The following LRRC46 variants were observed in gnomAD, a reference collection of about 807,000 sequenced individuals.
The protein encoded by LRRC46 is leucine-rich repeat-containing protein 46.
Under a neutral mutation model 28.0 loss-of-function variants are expected in LRRC46, and 20 were observed. The observed-to-expected ratio is 0.71, with a 90% CI of 0.50 to 1.04. LRRC46 has a LOEUF of 1.04. LRRC46 is among the 50% of genes least tolerant of loss of function. The probability of loss-of-function intolerance (pLI) is 0.00; values close to 1 mark genes in which losing one functional copy is unlikely to be tolerated. For synonymous variants in LRRC46, 156 were observed against 158.8 expected, an observed-to-expected ratio of 0.98 and a Z score of 0.13; for missense variants, 315 against 390.1, an observed-to-expected ratio of 0.81 and a Z score of 1.62.
chr17:47,832,114 G>C lies in LRRC46; in HGVS notation c.25G>C (p.Gly9Arg). MSGGKSAQ[G>R]PEEGGVCITE... ...TCTTTTCACAGGGAAGTCAGCCCAG[G>C]GTCCAGAGGAAGGGGGCGTCTGCAT... Residue 9 changes from glycine (G) to arginine (R), a missense_variant, in exon 2 of 8, where the codon GGT becomes CGT. Gly to Arg is a moderately radical substitution (Grantham distance 125, BLOSUM62 -2). Coordinates refer to ENST00000269025, the MANE Select transcript of LRRC46 (RefSeq NM_033413.4). 6.2e-7 allele frequency: 1 copy of C among 1,610,148 alleles called. No individual in the cohort carries two copies. Among genetic ancestry groups the C allele is most frequent in the Non-Finnish European group, 8.5e-7 (1 of 1,177,574 alleles).
At chr17:47,833,030 T>C (rs1256643648) in intron 2 of LRRC46, among the ~76,000 whole-genome samples, 1 of 152,316 alleles carries the variant, frequency 6.6e-6, no homozygotes, top group East Asian at 1.9e-4. Context: ...AGCATTGGCA[T>C]CACAGGGGGC....
intron 2 of LRRC46, among the ~76,000 whole-genome samples, chr17:47,833,605 C>T (rs553969637): frequency 2.7e-3 from 408 of 151,912 alleles, no homozygotes; most frequent in African/African-American, 9.6e-3. Flanking sequence ...TGCGCCACCA[C>T]ACCCGGCTAA....
chr17:47,836,241 A>G lies in LRRC46; in HGVS notation c.453-92A>G. The G allele has an allele frequency of 6.3e-7, 1 of 1,589,144 alleles. No homozygotes were observed. The highest frequency in any genetic ancestry group is 1.3e-5 in the African/African-American group (1 of 74,458). ...CCTCCTACCTAGCTCATGAGCCACC[A>G]CCCCTCCGGGTGTGAGTGCTGTGGT... On this transcript the variant is annotated intron_variant, in intron 6 of 7. Transcript: ENST00000269025. This position sits in a 1 kb window ranked among gnomAD's most constrained non-coding sequence, Gnocchi z 5.8.
Position 47,836,605 on chromosome 17 carries a change from G to A in LRRC46, c.595+130G>A. 6.7e-7 allele frequency: 1 copy of A among 1,490,520 alleles called. No individual in the cohort carries two copies. The highest frequency in any genetic ancestry group is 9.0e-7 in the Non-Finnish European group (1 of 1,110,312). 92.3% of individuals were successfully genotyped at this position (1,490,520 alleles called of 1,614,324 possible). A position where few individuals can be genotyped will look rare whatever the true frequency, so the allele number is the denominator to read the frequency against. On this transcript the variant is annotated intron_variant, in intron 7 of 7. Coordinates refer to ENST00000269025, the MANE Select transcript of LRRC46 (RefSeq NM_033413.4). This position sits in a 1 kb window ranked among gnomAD's most constrained non-coding sequence, Gnocchi z 5.8. ...AGTTCAGATCAACATCTGGGCCAGA[G>A]CCAGGTGTCAGTCCTGGGCCCCAGC... is the stretch of plus-strand genomic sequence containing the variant.
chr17:47,834,404 C>T (rs2143609205), intron 2 of LRRC46, 21 bp from the exon 3 acceptor site: 1 of 1,567,410 alleles, frequency 6.4e-7, no homozygotes, highest in Non-Finnish European at 8.8e-7. Context: ...CTAACACCAC[C>T]CTTACTGACT....
chr17:47,834,672 G>T, intron 3 of LRRC46, 139 bp downstream of exon 3: 1 of 596,680 alleles, frequency 1.7e-6, no homozygotes, highest in Non-Finnish European at 3.0e-6. Flanking sequence ...ATTCCCAGAC[G>T]AATGACATAG....
Position 47,836,705 on chromosome 17 carries a change from C to A in LRRC46, c.596-45C>A. 4 of 1,600,184 alleles carry A rather than the reference C, an allele frequency of 2.5e-6. No individual in the cohort carries two copies. The highest frequency in any genetic ancestry group is 3.4e-6 in the Non-Finnish European group (4 of 1,175,864). On this transcript the variant is annotated intron_variant, in intron 7 of 7. Transcript: ENST00000269025. This position sits in a 1 kb window ranked among gnomAD's most constrained non-coding sequence, Gnocchi z 5.8. ...AGCCCAGGGACCCTCCTGCTGAGCC[C>A]AGGGCTCCACCCACCCTGTACCCTC...
In LRRC46 at chr17:47,836,121, G is replaced by T; in HGVS notation, c.452+19G>T. The T allele has an allele frequency of 6.2e-7, 1 of 1,613,724 alleles. No individual in the cohort carries two copies. Among genetic ancestry groups the T allele is most frequent in the African/African-American group, 1.3e-5 (1 of 75,014 alleles). On this transcript the variant is annotated intron_variant, in intron 6 of 7. Coordinates refer to ENST00000269025, the MANE Select transcript of LRRC46 (RefSeq NM_033413.4). The surrounding 1 kb of genome is among the most constrained non-coding windows in gnomAD (Gnocchi z 5.8). ...GCTACCGGTAAGGAGTGGAGGGTGG[G>T]AAGAAAGGTCATGGCTGAGCTCTAC...
At position 47,831,965 on chromosome 17, in the gene LRRC46, G is replaced by T; in HGVS notation, c.-25G>T. 6.2e-7 allele frequency: 1 copy of T among 1,613,004 alleles called. No individual in the cohort carries two copies. The highest frequency in any genetic ancestry group is 1.1e-5 in the South Asian group (1 of 90,998). ...CTCTTTTCGTTCCTCTCCCGCCTCA[G>T]ACCAGCAGCCTTTTATTTTAGATCA... is the stretch of plus-strand genomic sequence containing the variant. On this transcript the variant is annotated 5_prime_UTR_variant, in exon 1 of 8. Coordinates refer to ENST00000269025, the MANE Select transcript of LRRC46 (RefSeq NM_033413.4).
chr17:47,836,367 G>C lies in LRRC46; in HGVS notation c.487G>C (p.Asp163His). The C allele has an allele frequency of 6.2e-6, 10 of 1,614,116 alleles. No individual in the cohort carries two copies. Among genetic ancestry groups the C allele is most frequent in the Non-Finnish European group, 8.5e-6 (10 of 1,180,030 alleles). ...LVTEALPLLL[D>H]LDGQPVVERW... The stretch of plus-strand genomic sequence containing the variant: ...GACAGAAGCCCTGCCACTTCTCCTG[G>C]ACCTGGACGGGCAGCCTGTGGTGGA... Residue 163 changes from aspartate to histidine, a missense_variant, in exon 7 of 8, where the codon GAC becomes CAC. By Grantham distance (81) the Asp-to-His change is moderately conservative. Transcript: ENST00000269025. The surrounding 1 kb of genome is among the most constrained non-coding windows in gnomAD (Gnocchi z 5.8).
chr17:47,834,440 T>C lies in LRRC46; in HGVS notation c.132T>C (p.Asp44=). ...CTTTTCCCAGGTTTCACACTCTTGA[T>C]GAACTGCAGACTGTCCGCCTGGACC... The part of the protein sequence containing the change: ...ELSEKMFHTL[D]ELQTVRLDRE... Residue 44 remains aspartate, a synonymous_variant, in exon 3 of 8, where the codon GAT becomes GAC. Coordinates refer to ENST00000269025, the MANE Select transcript of LRRC46 (RefSeq NM_033413.4). The C allele has an allele frequency of 1.2e-6, 2 of 1,613,054 alleles. No homozygotes were observed. The highest frequency in any genetic ancestry group is 1.7e-6 in the Non-Finnish European group (2 of 1,179,372).
rs1003257863 is a variant in LRRC46, at chr17:47,831,953, T to C, written c.-37T>C. 1.2e-6 allele frequency: 2 copies of C among 1,612,618 alleles called. No individual in the cohort carries two copies. Among genetic ancestry groups the C allele is most frequent in the Non-Finnish European group, 1.7e-6 (2 of 1,179,974 alleles). Reference sequence around the variant, plus strand: ...CCGCCAAGACCTCTCTTTTCGTTCCTCTCCCGCCTCAGACCAGCAGCCTTT... The same window carrying C: ...CCGCCAAGACCTCTCTTTTCGTTCCCCTCCCGCCTCAGACCAGCAGCCTTT... On this transcript the variant is annotated 5_prime_UTR_variant, in exon 1 of 8. Transcript: ENST00000269025.
In LRRC46 at chr17:47,836,404, C is replaced by T. The variant is rs149897709; in HGVS notation, c.524C>T (p.Ser175Leu). The T allele has an allele frequency of 3.6e-5, 58 of 1,614,026 alleles. No individual in the cohort carries two copies. The Middle Eastern group carries it at 1.6e-3, about 46-fold the overall frequency. Residue 175 changes from serine (S) to leucine (L), a missense_variant, in exon 7 of 8, where the codon TCG (serine) becomes TTG (leucine). Transcript: ENST00000269025. This position sits in a 1 kb window ranked among gnomAD's most constrained non-coding sequence, Gnocchi z 5.8. ...CAGCCTGTGGTGGAGCGCTGGATTT[C>T]GGATGAGGAGGATGAAGCCTCAAGC... is the stretch of plus-strand genomic sequence containing the variant. ...DGQPVVERWI[S>L]DEEDEASSDE... is the part of the protein sequence containing the mutation.
Position 47,832,126 on chromosome 17 carries a change from G to A in LRRC46, c.37G>A (p.Gly13Arg). 1 of 1,609,344 alleles carries A rather than the reference G, an allele frequency of 6.2e-7. No individual in the cohort carries two copies. The highest frequency in any genetic ancestry group is 8.5e-7 in the Non-Finnish European group (1 of 1,177,224). The change falls in exon 2 of 8, where the codon GGG becomes AGG. Residue 13 changes from glycine to arginine, a missense_variant. By Grantham distance (125) the Gly-to-Arg change is moderately radical. Coordinates refer to ENST00000269025, the MANE Select transcript of LRRC46 (RefSeq NM_033413.4). ...GAAGTCAGCCCAGGGTCCAGAGGAA[G>A]GGGGCGTCTGCATCACTGAAGCCCT... ...GGKSAQGPEE[G>R]GVCITEALIT...
At position 47,836,473 on chromosome 17, in the gene LRRC46, G is replaced by A. The variant is rs144936742; in HGVS notation, c.593G>A (p.Arg198Gln). ...PELSGPFCSE[R>Q]GFLKELEQEL... is the part of the protein sequence containing the mutation. The stretch of plus-strand genomic sequence containing the variant: ...CTGAGTGGCCCATTCTGCTCAGAAC[G>A]AGGTGACCCTGCTTTCCAAGGTTTT... Residue 198 changes from arginine (R) to glutamine (Q), a missense_variant and splice_region_variant, in exon 7 of 8, where the codon CGA becomes CAA. By Grantham distance (43) the Arg-to-Gln change is conservative (BLOSUM62 1). Transcript: ENST00000269025. This position sits in a 1 kb window ranked among gnomAD's most constrained non-coding sequence, Gnocchi z 5.8. The A allele has an allele frequency of 1.1e-5, 18 of 1,613,716 alleles. No homozygotes were observed. In the African/African-American group the frequency reaches 1.5e-4, roughly 13 times the overall value.
chr17:47,834,374 G>A, intron 2 of LRRC46, 51 bp from the exon 3 acceptor site: 7 of 1,330,912 alleles, frequency 5.3e-6, no homozygotes, highest in Non-Finnish European at 7.4e-6. Context: ...TCCCTGCTAA[G>A]AGACCACATG....
chr17:47,831,751 A>G lies in LRRC46; in HGVS notation c.-239A>G. On this transcript the variant is annotated 5_prime_UTR_variant, in exon 1 of 8. Transcript: ENST00000269025. ...CAACCATTCCTGCCCACAACACCCC[A>G]GCTTGCTGCCAGCAAAGCCCCTCCA... 1.6e-6 allele frequency: 1 copy of G among 641,188 alleles called. No homozygotes were observed. The highest frequency in any genetic ancestry group is 2.7e-6 in the Non-Finnish European group (1 of 369,118). 39.7% of individuals were successfully genotyped at this position (641,188 alleles called of 1,614,324 possible). A position where few individuals can be genotyped will look rare whatever the true frequency, so the allele number is the denominator to read the frequency against.
chr17:47,836,259 G>A lies in LRRC46; in HGVS notation c.453-74G>A. 1 of 1,598,554 alleles carries A rather than the reference G, an allele frequency of 6.3e-7. No homozygotes were observed. Among genetic ancestry groups the A allele is most frequent in the Non-Finnish European group, 8.5e-7 (1 of 1,170,466 alleles). On this transcript the variant is annotated intron_variant, in intron 6 of 7. Transcript: ENST00000269025. The surrounding 1 kb of genome is among the most constrained non-coding windows in gnomAD (Gnocchi z 5.8). Reference sequence around the variant, plus strand: ...AGCCACCACCCCTCCGGGTGTGAGTGCTGTGGTGCGTGTCTTTGCATCCTC... The same window carrying A: ...AGCCACCACCCCTCCGGGTGTGAGTACTGTGGTGCGTGTCTTTGCATCCTC...
Position 47,836,697 on chromosome 17 carries a change from G to A in LRRC46, c.596-53G>A. Reference sequence around the variant, plus strand: ...CTTCCCTGAGCCCAGGGACCCTCCTGCTGAGCCCAGGGCTCCACCCACCCT... The same window carrying A: ...CTTCCCTGAGCCCAGGGACCCTCCTACTGAGCCCAGGGCTCCACCCACCCT... On this transcript the variant is annotated intron_variant, in intron 7 of 7. Coordinates refer to ENST00000269025, the MANE Select transcript of LRRC46 (RefSeq NM_033413.4). The surrounding 1 kb of genome is among the most constrained non-coding windows in gnomAD (Gnocchi z 5.8). 2 of 1,592,764 alleles carry A rather than the reference G, an allele frequency of 1.3e-6. No individual in the cohort carries two copies. Among genetic ancestry groups the A allele is most frequent in the Non-Finnish European group, 1.7e-6 (2 of 1,173,014 alleles).
Sources: allele counts gnomAD v4.1 joint callset (sites outside exome capture counted in the v4.1 genomes callset), GRCh38; gene constraint gnomAD v4.1.1; non-coding constraint Gnocchi (gnomAD v3.1); transcripts MANE v1.5; gene names NCBI Gene and HGNC (gene_info 2026-07-23, HGNC 2026-07-21).